Variants in ROR2 observed in about 807,000 individuals in gnomAD.
ROR2 encodes ROR family WNT receptor 2.
A neutral mutation model predicts 74.9 loss-of-function variants in ROR2; 33 were observed. That is an observed-to-expected ratio of 0.44 (90% CI 0.33 to 0.59). The LOEUF (loss-of-function observed/expected upper bound fraction) is 0.59. ROR2 is among the 20% of genes least tolerant of loss of function. ROR2 has a pLI of 0.02. For missense variants in ROR2, 1,216 were observed against 1,313.8 expected (o/e 0.93, Z 1.15); for synonymous variants, 586 against 558.7 (o/e 1.05, Z -0.69).
intron 1 of ROR2, among the ~76,000 whole-genome samples, chr9:91,826,796 A>G (rs1389083750): frequency 2.7e-5 from 2 of 72,844 alleles, no homozygotes; most frequent in East Asian, 6.3e-4. Flanking sequence ...AAAAAAAAAG[A>G]AAAAAGAAAA....
Position 91,775,812 on chromosome 9 carries a change from A to G in ROR2, c.104T>C (p.Val35Ala). 1.2e-6 allele frequency: 2 copies of G among 1,614,042 alleles called. No individual in the cohort carries two copies. The highest frequency in any genetic ancestry group is 1.6e-4 in the Middle Eastern group (1 of 6,062). Residue 35 changes from valine to alanine, a missense_variant, in exon 2 of 9, where the codon GTG becomes GCG. Coordinates refer to ENST00000375708, the MANE Select transcript of ROR2 (RefSeq NM_004560.4). Reference protein sequence around the residue: ...LLSVSRTSGEVEVLDPNDPLG... With the variant: ...LLSVSRTSGEAEVLDPNDPLG... ...AGGGTCGTTCGGATCCAGAACCTCC[A>G]CTTCACCTGGGAAAAAGAAACCAGG...
intron 1 of ROR2, among the ~76,000 whole-genome samples, chr9:91,858,340 C>G (rs1362419041): frequency 6.6e-6 from 1 of 152,220 alleles, no homozygotes; most frequent in African/African-American, 2.4e-5. Flanking sequence ...CATGCAGGCA[C>G]CTGCGTGCAC....
intron 1 of ROR2, among the ~76,000 whole-genome samples, chr9:91,936,363 C>T (rs75616035): frequency 0.07 from 10,588 of 152,128 alleles, 667 homozygotes; most frequent in East Asian, 0.24. Context: ...GTCCATAAGC[C>T]GAGTGTCGTC....
Position 91,836,539 on chromosome 9 carries a change from C to CAAAAAAAA in ROR2, c.98-60729_98-60722dup, listed in dbSNP as rs753563302. On this transcript the variant is annotated intron_variant, in intron 1 of 8. Coordinates refer to ENST00000375708, the MANE Select transcript of ROR2 (RefSeq NM_004560.4). The stretch of plus-strand genomic sequence containing the variant: ...TGGAAGACAGAGTGAGATTCCATCT[C>CAAAAAAAA]AAAAAAAAAAAAAAACAGTCTGCAG... 1.3e-3 allele frequency among the ~76,000 whole-genome samples: 137 copies of CAAAAAAAA among 102,462 alleles called. 2 individuals are homozygous for CAAAAAAAA. Among genetic ancestry groups the CAAAAAAAA allele is most frequent in the African/African-American group, 4.3e-3 (131 of 30,314 alleles). 67.2% of individuals were successfully genotyped at this position (102,462 alleles called of 152,430 possible).
intron 1 of ROR2, among the ~76,000 whole-genome samples, chr9:91,880,382 C>T (rs1046252840): frequency 2.0e-5 from 3 of 152,066 alleles, no homozygotes; most frequent in Non-Finnish European, 2.9e-5. Context: ...AAACTAATGC[C>T]GTAATAAAAT....
At chr9:91,792,302 T>C (rs978004690) in intron 1 of ROR2, among the ~76,000 whole-genome samples, 4 of 148,428 alleles carry the variant, frequency 2.7e-5, no homozygotes, top group Non-Finnish European at 4.4e-5. Flanking sequence ...AAAAGTTGGT[T>C]CTATTTTTTT....
chr9:91,885,096 G>C (rs1830233756), intron 1 of ROR2, among the ~76,000 whole-genome samples: 2 of 152,112 alleles, frequency 1.3e-5, no homozygotes, highest in Non-Finnish European at 2.9e-5. Context: ...AAAGCCAGCA[G>C]CTCTCTCTAG....
intron 1 of ROR2, among the ~76,000 whole-genome samples, chr9:91,826,874 G>A (rs1354567597): frequency 6.6e-6 from 1 of 152,096 alleles, no homozygotes; most frequent in Non-Finnish European, 1.5e-5. Flanking sequence ...GAGAAGGGGA[G>A]ACTCTGAAGG....
intron 1 of ROR2, among the ~76,000 whole-genome samples, chr9:91,844,398 G>A (rs1172597898): frequency 9.9e-5 from 15 of 152,046 alleles, no homozygotes; most frequent in Non-Finnish European, 1.8e-4. Flanking sequence ...TCCTCGCCCA[G>A]GGAGCTGCCA....
intron 1 of ROR2, among the ~76,000 whole-genome samples, chr9:91,861,904 C>T (rs1472525639): frequency 6.6e-6 from 1 of 152,166 alleles, no homozygotes; most frequent in East Asian, 1.9e-4. Context: ...GTATCCCCCC[C>T]ACCCCAAATT....
chr9:91,769,206 G>A (rs146548232), intron 2 of ROR2, among the ~76,000 whole-genome samples: 1 of 151,936 alleles, frequency 6.6e-6, no homozygotes, highest in African/African-American at 2.4e-5. Context: ...TTCTCTTTGC[G>A]CCCACAAAAT....
chr9:91,901,920 T>TG (rs1036794521), intron 1 of ROR2, among the ~76,000 whole-genome samples: 5 of 151,728 alleles, frequency 3.3e-5, no homozygotes, highest in African/African-American at 4.8e-5. Context: ...CAGGTGTAGG[T>TG]GGGGGGGCCT....
intron 1 of ROR2, among the ~76,000 whole-genome samples, chr9:91,856,331 G>A (rs770773172): frequency 1.3e-5 from 2 of 152,184 alleles, no homozygotes; most frequent in Non-Finnish European, 2.9e-5. Context: ...CTCTAGCCTG[G>A]GCAACAAAAC....
intron 1 of ROR2, among the ~76,000 whole-genome samples, chr9:91,939,715 G>C (rs1037403161): frequency 1.3e-5 from 2 of 152,068 alleles, no homozygotes; most frequent in African/African-American, 4.8e-5. Flanking sequence ...AAAAGAAGAA[G>C]AGGGGCAGTA....
chr9:91,923,816 T>C (rs1458430912), intron 1 of ROR2: 1 of 152,256 alleles, frequency 6.6e-6, no homozygotes, highest in Non-Finnish European at 1.5e-5. Flanking sequence ...CAGTATCTTT[T>C]TGATCTGAGA....
intron 1 of ROR2, among the ~76,000 whole-genome samples, chr9:91,928,505 G>C (rs1288158687): frequency 1.3e-5 from 2 of 152,236 alleles, no homozygotes; most frequent in African/African-American, 2.4e-5. Flanking sequence ...GCTCACCGCT[G>C]ACCCTGGGCA....
intron 1 of ROR2, among the ~76,000 whole-genome samples, chr9:91,792,360 T>C (rs949231979): frequency 7.8e-6 from 1 of 128,698 alleles, no homozygotes; most frequent in Non-Finnish European, 1.6e-5. Context: ...CAGGTTGGAG[T>C]GCAGTAGTGC....
At chr9:91,927,985 C>T (rs2117928213) in intron 1 of ROR2, among the ~76,000 whole-genome samples, 1 of 152,256 alleles carries the variant, frequency 6.6e-6, no homozygotes, top group East Asian at 1.9e-4. Flanking sequence ...AGAGACTGCC[C>T]TTCCCAGGCC....
rs547048277 is a variant in ROR2, at chr9:91,948,687, C to T, written c.97+1180G>A. 3,199 of 985,550 alleles carry T rather than the reference C, an allele frequency of 3.2e-3. 10 individuals are homozygous for T. Among genetic ancestry groups the T allele is most frequent in the Non-Finnish European group, 3.6e-3 (3,024 of 829,994 alleles). 61.1% of individuals were successfully genotyped at this position (985,550 alleles called of 1,614,324 possible). ...GACGCAGGAAAAGCAGAGCGTCTCC[C>T]AGCCTGCGACTGTCCCGATTCTCAC... On this transcript the variant is annotated intron_variant, in intron 1 of 8. Transcript: ENST00000375708.
Sources: allele counts gnomAD v4.1 joint callset (sites outside exome capture counted in the v4.1 genomes callset), GRCh38; gene constraint gnomAD v4.1.1; transcripts MANE v1.5; gene names NCBI Gene and HGNC (gene_info 2026-07-23, HGNC 2026-07-21).